The following PDXDC1 variants were observed in gnomAD, a reference collection of about 807,000 sequenced individuals.
PDXDC1 encodes the protein pyridoxal-dependent decarboxylase domain-containing protein 1.
Under a neutral mutation model 100.1 loss-of-function variants are expected in PDXDC1, and 42 were observed. The ratio of observed to expected loss-of-function variants is 0.42; its 90% CI spans 0.33 to 0.54. The LOEUF (loss-of-function observed/expected upper bound fraction) is 0.54, where lower values mean the gene tolerates loss of function less well. Among genes scored for constraint, PDXDC1 ranks in the 20% least tolerant of loss-of-function variants. The pLI, the probability that PDXDC1 is intolerant of heterozygous loss-of-function variation, is 0.10. For missense variants in PDXDC1, 636 were observed against 979.2 expected (o/e 0.65, Z 4.68); for synonymous variants, 260 against 371.7 (o/e 0.70, Z 3.46).
rs199965159 is a variant in PDXDC1 at position 15,080,804 on chromosome 16, C to T, written c.1399+50748C>T. Reference sequence around the variant, plus strand: ...CCCTAAAAAATGAAGACCTTGGCAACCACTAGTCTTTCTATGAATCTGCCT... The same window carrying T: ...CCCTAAAAAATGAAGACCTTGGCAATCACTAGTCTTTCTATGAATCTGCCT... On this transcript the variant is annotated intron_variant, in intron 16 of 16. Coordinates refer to the PDXDC1 transcript ENST00000535621. Among the ~76,000 whole-genome samples the T allele has an allele frequency of 3.5e-5, 5 of 141,752 alleles. No individual in the cohort carries two copies. In the East Asian group the frequency reaches 1.0e-3, roughly 29 times the overall value. The allele number at this position is 141,752 out of a possible 152,430, so 93.0% of individuals were successfully genotyped here. A position where few individuals can be genotyped will look rare whatever the true frequency, so the allele number is the denominator to read the frequency against.
chr16:15,083,698 C>T, intron 16 of PDXDC1: 15 of 1,435,128 alleles, frequency 1.0e-5, no homozygotes, highest in Non-Finnish European at 1.3e-5. Context: ...AAACAGGAAC[C>T]CCTACCTCAA....
intron 16 of PDXDC1, chr16:15,135,966 A>G (rs1002605597): frequency 1.9e-6 from 3 of 1,569,080 alleles, no homozygotes; most frequent in Non-Finnish European, 2.6e-6. Flanking sequence ...CGCGCCGGGC[A>G]CCCCGGCTGG....
chr16:15,073,408 G>C (rs1473172608), intron 16 of PDXDC1, among the ~76,000 whole-genome samples: 1 of 152,196 alleles, frequency 6.6e-6, no homozygotes, highest in Non-Finnish European at 1.5e-5. Flanking sequence ...AGTAAGCCAT[G>C]TTTGTGCGAC....
chr16:15,130,358 G>C, intron 16 of PDXDC1: 1 of 1,562,460 alleles, frequency 6.4e-7, no homozygotes, highest in Non-Finnish European at 8.7e-7. Context: ...TGAAGTACTG[G>C]CACAGGGACG....
the PDXDC1 span, among the ~76,000 whole-genome samples, chr16:15,147,388 C>T: frequency 6.6e-6 from 1 of 152,220 alleles, no homozygotes; most frequent in Non-Finnish European, 1.5e-5. Context: ...TTCTCAGAGC[C>T]TCAATTTCCT....
intron 16 of PDXDC1, among the ~76,000 whole-genome samples, chr16:15,068,826 T>C (rs2045095621): frequency 6.6e-6 from 1 of 152,206 alleles, no homozygotes; most frequent in Admixed American, 6.5e-5. Flanking sequence ...ATATAATTCT[T>C]TTCTACATGA....
chr16:15,122,805 C>T lies in PDXDC1; in HGVS notation c.1400-16074C>T, dbSNP rs554746477. On this transcript the variant is annotated intron_variant, in intron 16 of 16. Transcript: ENST00000535621. ...GGGAGGGAAGGGGACGGGGACTGGG[C>T]GGGATCTGAGTTGGGGAGGGGGAGG... Among the ~76,000 whole-genome samples the T allele has an allele frequency of 1.4e-3, 79 of 56,612 alleles. 1 individual carries two copies. Among genetic ancestry groups the T allele is most frequent in the African/African-American group, 4.9e-3 (77 of 15,810 alleles). 37.1% of individuals were successfully genotyped at this position (56,612 alleles called of 152,430 possible). A position where few individuals can be genotyped will look rare whatever the true frequency, so the allele number is the denominator to read the frequency against.
In PDXDC1 at chr16:15,036,324, TGAA is replaced by T; in HGVS notation, c.*51_*53del. ...GTACTGAGTATTGTTTCAGGGAAGA[TGAA>T]GTTCTATTGGAAATGTGAACTGTGC... On this transcript the variant is annotated 3_prime_UTR_variant, in exon 23 of 23. Coordinates refer to ENST00000396410, the MANE Select transcript of PDXDC1 (RefSeq NM_015027.4). The T allele has an allele frequency of 6.7e-7, 1 of 1,500,782 alleles. No homozygotes were observed. The highest frequency in any genetic ancestry group is 2.3e-5 in the East Asian group (1 of 44,026). 93.0% of individuals were successfully genotyped at this position (1,500,782 alleles called of 1,614,324 possible).
chr16:15,079,382 A>G lies in PDXDC1; in HGVS notation c.1399+49326A>G, dbSNP rs1458992635. Among the ~76,000 whole-genome samples, 6 of 152,334 alleles carry G rather than the reference A, an allele frequency of 3.9e-5. No individual in the cohort carries two copies. The South Asian group carries it at 8.3e-4, about 21-fold the overall frequency. ...CCAAACAGGAAAAATCACTTCCGTA[A>G]GAATCCCTTCCTGACCCCACTGTGA... On this transcript the variant is annotated intron_variant, in intron 16 of 16. Coordinates refer to the PDXDC1 transcript ENST00000535621.
intron 1 of PDXDC1, among the ~76,000 whole-genome samples, chr16:14,980,374 C>T (rs1478123002): frequency 4.6e-5 from 7 of 152,264 alleles, no homozygotes; most frequent in Non-Finnish European, 7.3e-5. Context: ...CAGCTCTATG[C>T]GACCTCTGCC....
At chr16:15,043,811 G>C (rs1280863897) in intron 16 of PDXDC1, among the ~76,000 whole-genome samples, 1 of 152,048 alleles carries the variant, frequency 6.6e-6, no homozygotes, top group Non-Finnish European at 1.5e-5. Context: ...AGGTGGGTGT[G>C]GTGGCGCACG....
At chr16:15,117,513 C>T (rs1380259011) in intron 16 of PDXDC1, among the ~76,000 whole-genome samples, 2 of 151,220 alleles carry the variant, frequency 1.3e-5, no homozygotes, top group Non-Finnish European at 1.5e-5. Context: ...AAAAATTAGC[C>T]AGGCGTGGTG....
At chr16:15,094,383 A>G in intron 16 of PDXDC1, 1 of 704,352 alleles carries the variant, frequency 1.4e-6, no homozygotes, top group Non-Finnish European at 2.4e-6. Flanking sequence ...GGCGGGCTAG[A>G]GCGCCGCTGA....
At chr16:15,034,069 C>G (rs761480264) in intron 19 of PDXDC1, 2 of 588,672 alleles carry the variant, frequency 3.4e-6, no homozygotes, top group Non-Finnish European at 6.1e-6. Context: ...TTCAAGAATA[C>G]GTAGCAAATG....
intron 16 of PDXDC1, among the ~76,000 whole-genome samples, chr16:15,117,641 C>G (rs962555625): frequency 1.6e-5 from 2 of 121,962 alleles, no homozygotes; most frequent in African/African-American, 6.4e-5. Context: ...TGCAGTGAGC[C>G]GAGATCACAC....
intron 16 of PDXDC1, among the ~76,000 whole-genome samples, chr16:15,030,775 G>A (rs1254638140): frequency 1.3e-5 from 2 of 151,596 alleles, no homozygotes; most frequent in Non-Finnish European, 2.9e-5. Flanking sequence ...TAGAAATGGG[G>A]TTTTGCCACG....
chr16:15,076,849 C>A (rs2045477971), intron 16 of PDXDC1, among the ~76,000 whole-genome samples: 1 of 152,104 alleles, frequency 6.6e-6, no homozygotes, highest in African/African-American at 2.4e-5. Flanking sequence ...TATAATAAAC[C>A]AAGCCCCTTT....
At chr16:14,999,355 C>T (rs1306932558) in intron 3 of PDXDC1, among the ~76,000 whole-genome samples, 1 of 152,164 alleles carries the variant, frequency 6.6e-6, no homozygotes, top group Non-Finnish European at 1.5e-5. Context: ...GCATAAGCCA[C>T]CGCACCTGGC....
intron 18 of PDXDC1, 70 bp from the exon 19 acceptor site, chr16:15,033,208 G>A: frequency 6.4e-7 from 1 of 1,562,844 alleles, no homozygotes; most frequent in Non-Finnish European, 8.8e-7. Flanking sequence ...ACCCTGAACA[G>A]GAGAGTAGGT....
Sources: allele counts gnomAD v4.1 joint callset (sites outside exome capture counted in the v4.1 genomes callset), GRCh38; gene constraint gnomAD v4.1.1; transcripts MANE v1.5; gene names NCBI Gene and HGNC (gene_info 2026-07-23, HGNC 2026-07-21).